INO80: variants seen among roughly 807,000 people sequenced by gnomAD.
The protein encoded by INO80 is INO80 complex ATPase subunit.
INO80 carries 20 observed loss-of-function variants against 203.4 expected under a neutral mutation model. The observed-to-expected ratio is 0.10, with a 90% confidence interval of 0.07 to 0.14. The LOEUF (loss-of-function observed/expected upper bound fraction) is 0.14, where lower values mean the gene tolerates loss of function less well. Ranked by LOEUF, INO80 falls within the 10% of genes least tolerant of loss-of-function variation. The probability of loss-of-function intolerance (pLI) is 1.00; values close to 1 mark genes in which losing one functional copy is unlikely to be tolerated. For synonymous variants in INO80, 726 were observed against 685.2 expected, an observed-to-expected ratio of 1.06 and a Z score of -0.93; for missense variants, 1,419 against 1,914.4, an observed-to-expected ratio of 0.74 and a Z score of 4.83.
chr15:40,999,379 T>C (rs2043927264), intron 28 of INO80: 1 of 152,236 alleles, frequency 6.6e-6, no homozygotes, highest in South Asian at 2.1e-4. Flanking sequence ...GACGTATCAA[T>C]GTCAAACATA....
intron 24 of INO80, among the ~76,000 whole-genome samples, chr15:41,039,078 T>A (rs1415256650): frequency 6.6e-6 from 1 of 152,230 alleles, no homozygotes; most frequent in Non-Finnish European, 1.5e-5. Flanking sequence ...TTACTGTCCT[T>A]TATTTTGGCT....
intron 25 of INO80, 47 bp from the exon 26 acceptor site, chr15:41,021,172 C>T (rs775544353): frequency 2.3e-6 from 3 of 1,308,480 alleles, no homozygotes; most frequent in Admixed American, 1.7e-5. Flanking sequence ...GTTGTCCATA[C>T]ACACTATGCC....
At chr15:41,029,275 T>C (rs188680137) in intron 24 of INO80, among the ~76,000 whole-genome samples, 3 of 152,360 alleles carry the variant, frequency 2.0e-5, no homozygotes, top group East Asian at 1.9e-4. Context: ...CTTCCACTTA[T>C]ACAGCTTTAT....
intron 26 of INO80, 79 bp downstream of exon 26, chr15:41,020,821 T>C (rs2044282534): frequency 2.3e-6 from 2 of 871,984 alleles, no homozygotes; most frequent in East Asian, 2.5e-5. Flanking sequence ...TCCAAATATC[T>C]GAAAGGACCA....
At chr15:41,077,002 G>A (rs959909354) in intron 9 of INO80, among the ~76,000 whole-genome samples, 23 of 151,918 alleles carry the variant, frequency 1.5e-4, no homozygotes, top group African/African-American at 4.4e-4. Context: ...CCATCTCCCC[G>A]GTTCAAGCGA....
At chr15:41,003,158 G>C (rs191158669) in intron 28 of INO80, among the ~76,000 whole-genome samples, 1 of 151,724 alleles carries the variant, frequency 6.6e-6, no homozygotes, top group African/African-American at 2.4e-5. Context: ...GTTGGCAAAG[G>C]CTTTTTAATG....
At chr15:40,996,820 TAACAA>T (rs2043887873) in intron 29 of INO80, among the ~76,000 whole-genome samples, 1 of 152,144 alleles carries the variant, frequency 6.6e-6, no homozygotes, top group Admixed American at 6.5e-5. Flanking sequence ...TGCATAAGAG[TAACAA>T]AACAATCCTT....
At chr15:41,052,126 A>G (rs1270575388) in intron 19 of INO80, among the ~76,000 whole-genome samples, 1 of 151,914 alleles carries the variant, frequency 6.6e-6, no homozygotes, top group Non-Finnish European at 1.5e-5. Context: ...GTGACAGAGT[A>G]AAAAATCCAG....
At chr15:41,024,443 T>C (rs1042715739) in intron 25 of INO80, 2 of 152,174 alleles carry the variant, frequency 1.3e-5, no homozygotes, top group African/African-American at 4.8e-5. Flanking sequence ...GACGTACCGT[T>C]CTTCCCTCCC....
At chr15:41,035,876 C>T (rs1394090100) in intron 24 of INO80, among the ~76,000 whole-genome samples, 4 of 137,546 alleles carry the variant, frequency 2.9e-5, no homozygotes, top group Admixed American at 7.8e-5. Context: ...CACCTGTAAT[C>T]GGAGCACTCA....
chr15:41,045,118 G>C (rs1006794696), intron 23 of INO80, 43 bp from the exon 24 acceptor site: 2 of 1,503,070 alleles, frequency 1.3e-6, no homozygotes, highest in Non-Finnish European at 8.9e-7. Context: ...GTGCTCCATG[G>C]AGGTTTGAGG....
intron 14 of INO80, among the ~76,000 whole-genome samples, chr15:41,062,782 C>T (rs941815095): frequency 7.9e-5 from 12 of 152,122 alleles, no homozygotes; most frequent in Non-Finnish European, 1.5e-4. Flanking sequence ...ACAAGAAGGC[C>T]CTTGTGAGAT....
At chr15:41,049,521 A>G in intron 20 of INO80, 101 bp from the exon 21 acceptor site, 1 of 1,071,892 alleles carries the variant, frequency 9.3e-7, no homozygotes, top group Non-Finnish European at 1.4e-6. Flanking sequence ...GGGAATGGAT[A>G]CTTTCCCATT....
chr15:40,987,252 C>A (rs1426904498), intron 30 of INO80, 59 bp from the exon 31 acceptor site: 10 of 1,033,914 alleles, frequency 9.7e-6, no homozygotes, highest in Admixed American at 7.1e-5. Flanking sequence ...TGGCAAATAT[C>A]CAGAAAAAGA....
At chr15:41,050,147 A>C in intron 19 of INO80, 45 bp from the exon 20 acceptor site, 2 of 1,415,980 alleles carry the variant, frequency 1.4e-6, no homozygotes, top group Non-Finnish European at 2.0e-6. Context: ...GTAGTTTTTA[A>C]GAAAATTCAG....
At chr15:40,998,021 T>C (rs2043904171) in intron 28 of INO80, among the ~76,000 whole-genome samples, 1 of 143,002 alleles carries the variant, frequency 7.0e-6, no homozygotes, top group South Asian at 2.3e-4. Context: ...ACACTCTTTT[T>C]TTTTTTTTTT....
intron 26 of INO80, chr15:41,018,491 T>C (rs899348760): frequency 2.0e-5 from 3 of 152,184 alleles, no homozygotes; most frequent in African/African-American, 7.2e-5. Context: ...TGTTATCTTG[T>C]TATTGTGTAG....
rs1351386669 is a variant in INO80 at position 41,073,571 on chromosome 15, G to A, written c.1328-76C>T. 3.6e-6 allele frequency: 4 copies of A among 1,118,250 alleles called. No homozygotes were observed. In the South Asian group the frequency reaches 4.9e-5, roughly 14 times the overall value. The allele number at this position is 1,118,250 out of a possible 1,614,324, so 69.3% of individuals were successfully genotyped here. On this transcript the variant is annotated intron_variant, in intron 10 of 35. Transcript: ENST00000648947. ...TAAGATACAATTAACACCAATGTAT[G>A]TGGATCCCTGATTCCCTCATTCTAC...
At position 41,025,279 on chromosome 15, in the gene INO80, T is replaced by C. The variant is rs2044358401; in HGVS notation, c.3048+2317A>G. Among the ~76,000 whole-genome samples, 3 of 152,202 alleles carry C rather than the reference T, an allele frequency of 2.0e-5. No homozygotes were observed. In the South Asian group the frequency reaches 6.2e-4, roughly 31 times the overall value. On this transcript the variant is annotated intron_variant, in intron 25 of 35. Coordinates refer to ENST00000648947, the MANE Select transcript of INO80 (RefSeq NM_017553.3). The stretch of plus-strand genomic sequence containing the variant: ...TGAAGTAGTATAGATGGGGCATGCA[T>C]GTGTGAGAGAGTGGGACTGTTCTTG...
Sources: gnomAD v4.1 joint callset for allele counts (sites outside exome capture counted in the v4.1 genomes callset) on GRCh38, gnomAD v4.1.1 for gene constraint, MANE v1.5 for transcripts, NCBI Gene and HGNC (gene_info 2026-07-23, HGNC 2026-07-21) for gene names.